Variants in OR7A17 observed in about 807,000 individuals in gnomAD.
The protein encoded by OR7A17 is olfactory receptor family 7 subfamily A member 17, also known as olfactory receptor 7A17.
For missense variants in OR7A17, 366 were observed against 365.5 expected (o/e 1.00, Z -0.01); for synonymous variants, 159 against 142.1 (o/e 1.12, Z -0.85).
chr19:14,885,568 G>C (rs1423952515), intron 1 of OR7A17, among the ~76,000 whole-genome samples: 1 of 152,164 alleles, frequency 6.6e-6, no homozygotes, highest in Non-Finnish European at 1.5e-5. Flanking sequence ...ACCTACAAGG[G>C]ATGTGAAGGA....
intron 1 of OR7A17, chr19:14,884,645 A>G (rs571476573): frequency 6.6e-6 from 1 of 152,282 alleles, no homozygotes; most frequent in African/African-American, 2.4e-5. Context: ...CCTACCAACC[A>G]AAAAGAGGCC....
chr19:14,882,074 C>G (rs989964261), intron 1 of OR7A17, among the ~76,000 whole-genome samples: 2 of 136,440 alleles, frequency 1.5e-5, no homozygotes, highest in African/African-American at 5.2e-5. Context: ...AATTCCTAGA[C>G]CACGCTCTCT....
Position 14,880,994 on chromosome 19 carries a change from T to A in OR7A17, c.362A>T (p.Asp121Val), listed in dbSNP as rs1194300334. The A allele has an allele frequency of 6.2e-7, 1 of 1,614,070 alleles. No homozygotes were observed. Among genetic ancestry groups the A allele is most frequent in the Admixed American group, 1.7e-5 (1 of 60,014 alleles). The change falls in exon 3 of 3, where the codon GAT becomes GTT. Residue 121 changes from aspartate (D) to valine (V), a missense_variant. Asp to Val is a radical substitution (Grantham distance 152, BLOSUM62 -3). Transcript: ENST00000641113. ...DSLLLAVMAY[D>V]RFVAICHPLH... ...AGGATGACAGATGGCCACAAACCGATCATAGGCCATCACAGCCAGGAGTAA... is the reference window on the plus strand; with the variant it reads ...AGGATGACAGATGGCCACAAACCGAACATAGGCCATCACAGCCAGGAGTAA...
At chr19:14,883,889 GT>G (rs2045124481) in intron 1 of OR7A17, among the ~76,000 whole-genome samples, 2 of 152,116 alleles carry the variant, frequency 1.3e-5, no homozygotes, top group Non-Finnish European at 2.9e-5. Flanking sequence ...AATACACAAT[GT>G]TTCTAAAATG....
Position 14,881,095 on chromosome 19 carries a change from T to A in OR7A17, c.261A>T (p.Thr87=), listed in dbSNP as rs1288767445. 1 of 1,614,176 alleles carries A rather than the reference T, an allele frequency of 6.2e-7. No homozygotes were observed. Among genetic ancestry groups the A allele is most frequent in the Admixed American group, 1.7e-5 (1 of 60,016 alleles). ...CTGCATAGGTGATGACTCTGCTCTG[T>A]GTCTGGATGTTAATGAGCATCTTTG... ...TIPKMLINIQ[T]QSRVITYAGC... The change falls in exon 3 of 3, where the codon ACA becomes ACT. Residue 87 remains threonine, a synonymous_variant. Transcript: ENST00000641113.
rs1166613119 is a variant in OR7A17 at position 14,880,726 on chromosome 19, G to T, written c.630C>A (p.Pro210=). 6.2e-7 allele frequency: 1 copy of T among 1,614,182 alleles called. No homozygotes were observed. The highest frequency in any genetic ancestry group is 1.1e-5 in the South Asian group (1 of 91,076). The change falls in exon 3 of 3, where the codon CCC becomes CCA. Residue 210 remains proline (P), a synonymous_variant. Transcript: ENST00000641113. The stretch of plus-strand genomic sequence containing the variant: ...AGTAAGAGCAAAGGATCCCCACAAG[G>T]GGACCACCAGCCAGCAGCCCTGCTG... ...YFAAGLLAGG[P]LVGILCSYSK... is the part of the protein sequence containing the mutation.
At chr19:14,885,545 A>G (rs1172063732) in intron 1 of OR7A17, among the ~76,000 whole-genome samples, 3 of 152,172 alleles carry the variant, frequency 2.0e-5, no homozygotes, top group Non-Finnish European at 4.4e-5. Context: ...AGAATAAAAT[A>G]CCTAGGAATA....
chr19:14,882,925 C>T (rs935610327), intron 1 of OR7A17, among the ~76,000 whole-genome samples: 2 of 152,206 alleles, frequency 1.3e-5, no homozygotes, highest in Non-Finnish European at 2.9e-5. Context: ...GAATACCAGG[C>T]AAGTTGTCAA....
In OR7A17 at chr19:14,883,448, GA is replaced by G. The variant is rs780469032; in HGVS notation, c.-294-1578del. Among the ~76,000 whole-genome samples the G allele has an allele frequency of 6.0e-3, 831 of 137,602 alleles. 3 individuals are homozygous for G. The highest frequency in any genetic ancestry group is 0.01 in the Non-Finnish European group (641 of 62,540). 90.3% of individuals were successfully genotyped at this position (137,602 alleles called of 152,430 possible). A position where few individuals can be genotyped will look rare whatever the true frequency, so the allele number is the denominator to read the frequency against. On this transcript the variant is annotated intron_variant, in intron 1 of 2. Coordinates refer to ENST00000641113, the MANE Select transcript of OR7A17 (RefSeq NM_030901.2). ...AGAGCGAAACTCTGTCTCAAAAAAA[GA>G]AAAAAAAAAAGAAAAAAATCCTGCA...
At position 14,879,593 on chromosome 19, in the gene OR7A17, C is replaced by T. The variant is rs531814548; in HGVS notation, c.*833G>A. 6.6e-6 allele frequency: 1 copy of T among 152,218 alleles called. No individual in the cohort carries two copies. Among genetic ancestry groups the T allele is most frequent in the East Asian group, 1.9e-4 (1 of 5,146 alleles). The allele number at this position is 152,218 out of a possible 1,614,324, so 9.4% of individuals were successfully genotyped here. A position where few individuals can be genotyped will look rare whatever the true frequency, so the allele number is the denominator to read the frequency against. On this transcript the variant is annotated 3_prime_UTR_variant, in exon 3 of 3. Transcript: ENST00000641113. The stretch of plus-strand genomic sequence containing the variant: ...GAAATTTTTACCTTCTTACTCTTTC[C>T]AGGGAATTGAGCAGGCACGGTGGAC...
Position 14,881,537 on chromosome 19 carries a change from A to G in OR7A17, c.-182T>C, listed in dbSNP as rs80320911. 6.4e-6 allele frequency: 2 copies of G among 311,918 alleles called. No homozygotes were observed. The highest frequency in any genetic ancestry group is 5.7e-6 in the Non-Finnish European group (1 of 175,036). 19.3% of individuals were successfully genotyped at this position (311,918 alleles called of 1,614,324 possible). ...AGCCATTGTGCCCAGGCTTGGTTGCATCTTTTCAATGTGACTACCAAAAAG... is the reference window on the plus strand; with the variant it reads ...AGCCATTGTGCCCAGGCTTGGTTGCGTCTTTTCAATGTGACTACCAAAAAG... On this transcript the variant is annotated 5_prime_UTR_variant, in exon 3 of 3. An upstream start codon of the reference 5' UTR is lost. Coordinates refer to ENST00000641113, the MANE Select transcript of OR7A17 (RefSeq NM_030901.2).
chr19:14,885,906 C>G (rs2045133883), intron 1 of OR7A17, 35 bp downstream of exon 1: 1 of 152,200 alleles, frequency 6.6e-6, no homozygotes, highest in Admixed American at 6.5e-5. Flanking sequence ...TCTTCCTGAC[C>G]TTTCCTACAG....
At position 14,881,172 on chromosome 19, in the gene OR7A17, A is replaced by G; in HGVS notation, c.184T>C (p.Phe62Leu). 3.7e-6 allele frequency: 6 copies of G among 1,614,098 alleles called. No individual in the cohort carries two copies. Among genetic ancestry groups the G allele is most frequent in the Non-Finnish European group, 5.1e-6 (6 of 1,180,000 alleles). Residue 62 changes from phenylalanine (F) to leucine (L), a missense_variant, in exon 3 of 3, where the codon TTC (phenylalanine) becomes CTC (leucine). Transcript: ENST00000641113. Reference protein sequence around the residue: ...DSHLHTPMYFFLSNLSFADIC... With the variant: ...DSHLHTPMYFLLSNLSFADIC... The stretch of plus-strand genomic sequence containing the variant: ...TCTGCAAAGGACAGGTTGGAGAGGA[A>G]GAAGTACATGGGGGTGTGGAGGTGG...
rs749710190 is a variant in OR7A17, at chr19:14,880,925, A to C, written c.431T>G (p.Leu144Arg). The change falls in exon 3 of 3, where the codon CTG becomes CGG. Residue 144 changes from leucine (L) to arginine (R), a missense_variant. Coordinates refer to ENST00000641113, the MANE Select transcript of OR7A17 (RefSeq NM_030901.2). ...VIMNPRLCGL[L>R]VLASWMIAAL... ...AGCAATCATCCAGGATGCCAGAACC[A>C]GGAGTCCACAGAGCCGAGGGTTCAT... 4 of 1,614,192 alleles carry C rather than the reference A, an allele frequency of 2.5e-6. No homozygotes were observed. The highest frequency in any genetic ancestry group is 3.4e-6 in the Non-Finnish European group (4 of 1,180,028).
chr19:14,881,327 GA>G lies in OR7A17; in HGVS notation c.28del (p.Ser10GlnfsTer101), dbSNP rs754963616. 6.4e-7 allele frequency: 1 copy of G among 1,567,354 alleles called. No individual in the cohort carries two copies. The highest frequency in any genetic ancestry group is 1.2e-5 in the South Asian group (1 of 81,892). On this transcript the variant is annotated frameshift_variant, in exon 3 of 3. Coordinates refer to ENST00000641113, the MANE Select transcript of OR7A17 (RefSeq NM_030901.2). LOFTEE classifies it low-confidence loss of function (END_TRUNC). MEPENDTGI[S>X]EFVLLGLSEE... ...AGAAAGTCCCAGAAGAACAAATTCTGAAATCCCTGTGTCATTCTCTGGTTCC... is the reference window on the plus strand; with the variant it reads ...AGAAAGTCCCAGAAGAACAAATTCTGAATCCCTGTGTCATTCTCTGGTTCC...
rs578018006 is a variant in OR7A17 at position 14,879,049 on chromosome 19, A to G, written c.*1377T>C. 6.6e-6 allele frequency: 1 copy of G among 152,182 alleles called. No homozygotes were observed. Among genetic ancestry groups the G allele is most frequent in the South Asian group, 2.1e-4 (1 of 4,824 alleles). 9.4% of individuals were successfully genotyped at this position (152,182 alleles called of 1,614,324 possible). ...GTAGATGTATATACTTATGGGGTACATGAGATGTTTTGATACAGGCATGCG... is the reference window on the plus strand; with the variant it reads ...GTAGATGTATATACTTATGGGGTACGTGAGATGTTTTGATACAGGCATGCG... On this transcript the variant is annotated 3_prime_UTR_variant, in exon 3 of 3. Coordinates refer to ENST00000641113, the MANE Select transcript of OR7A17 (RefSeq NM_030901.2).
At chr19:14,881,608 A>G (rs186769210) in intron 2 of OR7A17, 57 bp from the exon 3 acceptor site, 115 of 200,606 alleles carry the variant, frequency 5.7e-4, no homozygotes, top group African/African-American at 2.5e-3. Flanking sequence ...CCTATCAGAA[A>G]TTCTCTCATT....
chr19:14,885,676 A>G (rs1005667402), intron 1 of OR7A17, among the ~76,000 whole-genome samples: 6 of 138,222 alleles, frequency 4.3e-5, no homozygotes, highest in Non-Finnish European at 8.1e-5. Context: ...AAGAATCAAT[A>G]TCTTGAAAAT....
In OR7A17 at chr19:14,880,967, A is replaced by C. The variant is rs762639591; in HGVS notation, c.389T>G (p.Leu130Arg). 1 of 1,614,212 alleles carries C rather than the reference A, an allele frequency of 6.2e-7. No individual in the cohort carries two copies. The highest frequency in any genetic ancestry group is 1.7e-5 in the Admixed American group (1 of 60,020). ...YDRFVAICHP[L>R]HYTVIMNPRL... ...AGGGTTCATGATGACTGTGTAGTGC[A>C]GAGGATGACAGATGGCCACAAACCG... is the stretch of plus-strand genomic sequence containing the variant. The change falls in exon 3 of 3, where the codon CTG becomes CGG. Residue 130 changes from leucine (L) to arginine (R), a missense_variant. Transcript: ENST00000641113.
Sources: gnomAD v4.1 joint callset for allele counts (sites outside exome capture counted in the v4.1 genomes callset) on GRCh38, gnomAD v4.1.1 for gene constraint, MANE v1.5 for transcripts, NCBI Gene and HGNC (gene_info 2026-07-23, HGNC 2026-07-21) for gene names.